CAMTA1: variants seen among roughly 807,000 people sequenced by gnomAD.
CAMTA1 encodes calmodulin binding transcription activator 1, also known as calmodulin-binding transcription activator 1.
In CAMTA1, 27 loss-of-function variants were observed where a neutral mutation model predicts 170.9. That is an observed-to-expected ratio of 0.16 (90% CI 0.12 to 0.22). The LOEUF (loss-of-function observed/expected upper bound fraction) is 0.22. Among genes scored for constraint, CAMTA1 ranks in the 10% least tolerant of loss-of-function variants. The probability of loss-of-function intolerance (pLI) is 1.00; values close to 1 mark genes in which losing one functional copy is unlikely to be tolerated. For missense variants in CAMTA1, 1,619 were observed against 2,217.2 expected (o/e 0.73, Z 5.42); for synonymous variants, 833 against 891.5 (o/e 0.93, Z 1.17).
intron 3 of CAMTA1, among the ~76,000 whole-genome samples, chr1:6,936,992 A>C (rs1051787563): frequency 2.6e-5 from 4 of 152,080 alleles, no homozygotes; most frequent in African/African-American, 7.2e-5. Flanking sequence ...TGTTTAAAAA[A>C]AAAGACAAAA....
chr1:7,529,466 C>A (rs189120562), intron 6 of CAMTA1, among the ~76,000 whole-genome samples: 1 of 152,164 alleles, frequency 6.6e-6, no homozygotes, highest in Admixed American at 6.5e-5. Context: ...CAGAACCCTT[C>A]GAGGTAGAAA....
At chr1:7,412,885 T>C (rs1392171011) in intron 5 of CAMTA1, among the ~76,000 whole-genome samples, 1 of 152,236 alleles carries the variant, frequency 6.6e-6, no homozygotes. Context: ...TTTTATGCTT[T>C]TAGGTCTAAC....
At chr1:7,437,170 G>A (rs1160199179) in intron 5 of CAMTA1, among the ~76,000 whole-genome samples, 6 of 152,144 alleles carry the variant, frequency 3.9e-5, no homozygotes, top group African/African-American at 9.7e-5. Context: ...CCTGGATGCC[G>A]GAGGCAGGTC....
intron 5 of CAMTA1, among the ~76,000 whole-genome samples, chr1:7,263,285 A>T (rs936783360): frequency 6.6e-6 from 1 of 152,236 alleles, no homozygotes; most frequent in Non-Finnish European, 1.5e-5. Flanking sequence ...TCTGTTTTTT[A>T]TACTTTCTTT....
intron 11 of CAMTA1, among the ~76,000 whole-genome samples, chr1:7,705,302 G>A (rs1250935218): frequency 4.0e-5 from 6 of 151,188 alleles, no homozygotes; most frequent in Admixed American, 3.9e-4. Flanking sequence ...CCGCGAGGGT[G>A]TGTCGACGCC....
chr1:6,866,839 C>T (rs1451769761), intron 3 of CAMTA1, among the ~76,000 whole-genome samples: 3 of 152,112 alleles, frequency 2.0e-5, no homozygotes, highest in Non-Finnish European at 4.4e-5. Flanking sequence ...AAATATGTAG[C>T]ATTTATGTGT....
At position 6,845,560 on chromosome 1, in the gene CAMTA1, A is replaced by G. The variant is rs181587801; in HGVS notation, c.234+20350A>G. Reference sequence around the variant, plus strand: ...TTTATGATTTGTGAATTATATCTCAATAAAGCTGTTATTTACTTAAACAAA... The same window carrying G: ...TTTATGATTTGTGAATTATATCTCAGTAAAGCTGTTATTTACTTAAACAAA... On this transcript the variant is annotated intron_variant, in intron 3 of 22. Coordinates refer to ENST00000303635, the MANE Select transcript of CAMTA1 (RefSeq NM_015215.4). Among the ~76,000 whole-genome samples, 188 of 152,372 alleles carry G rather than the reference A, an allele frequency of 1.2e-3. 1 individual carries two copies. Among genetic ancestry groups the G allele is most frequent in the East Asian group, 5.6e-3 (29 of 5,190 alleles).
intron 5 of CAMTA1, among the ~76,000 whole-genome samples, chr1:7,339,278 G>A (rs1028436979): frequency 7.9e-5 from 12 of 152,234 alleles, no homozygotes; most frequent in Non-Finnish European, 1.8e-4. Flanking sequence ...GAATTGTACG[G>A]AATGTGAACT....
intron 6 of CAMTA1, among the ~76,000 whole-genome samples, chr1:7,501,454 G>C (rs1032031989): frequency 6.6e-6 from 1 of 152,156 alleles, no homozygotes; most frequent in African/African-American, 2.4e-5. Flanking sequence ...TCTCATTAGG[G>C]ATGGCCTTGG....
chr1:7,301,332 T>A (rs1227859609), intron 5 of CAMTA1, among the ~76,000 whole-genome samples: 1 of 152,258 alleles, frequency 6.6e-6, no homozygotes, highest in Non-Finnish European at 1.5e-5. Context: ...TTTGACTTTT[T>A]CAGGGTGATA....
In CAMTA1 at chr1:7,463,542, CAG is replaced by C. The variant is rs993684962; in HGVS notation, c.439-4280_439-4279del. On this transcript the variant is annotated intron_variant, in intron 5 of 22. Transcript: ENST00000303635. The surrounding 1 kb of genome is among the most constrained non-coding windows in gnomAD (Gnocchi z 4.7). ...AAAGAGATTGAGAGACAGGGAGAGA[CAG>C]AGAGAGAAAGAAGATGAGACAGATA... Among the ~76,000 whole-genome samples the C allele has an allele frequency of 1.3e-5, 2 of 151,238 alleles. No homozygotes were observed. Among genetic ancestry groups the C allele is most frequent in the African/African-American group, 4.9e-5 (2 of 41,056 alleles).
intron 5 of CAMTA1, among the ~76,000 whole-genome samples, chr1:7,343,209 T>A (rs1317517472): frequency 6.6e-6 from 1 of 152,144 alleles, no homozygotes; most frequent in Non-Finnish European, 1.5e-5. Flanking sequence ...AATGGTGAAA[T>A]AAAACACAGG....
chr1:7,329,761 G>A (rs566359892), intron 5 of CAMTA1, among the ~76,000 whole-genome samples: 1 of 152,232 alleles, frequency 6.6e-6, no homozygotes, highest in Admixed American at 6.5e-5. Flanking sequence ...TTGCTACTGA[G>A]GTTCTATAAT....
intron 5 of CAMTA1, among the ~76,000 whole-genome samples, chr1:7,273,103 AGTGTTCACAC>A (rs1342572313): frequency 6.6e-6 from 1 of 152,230 alleles, no homozygotes; most frequent in Admixed American, 6.5e-5. Flanking sequence ...GATAATAGTA[AGTGTTCACAC>A]ACGTGGAGAA....
intron 5 of CAMTA1, among the ~76,000 whole-genome samples, chr1:7,363,225 C>T (rs1281410800): frequency 6.6e-6 from 1 of 152,188 alleles, no homozygotes; most frequent in African/African-American, 2.4e-5. Flanking sequence ...TTTCTTGCAT[C>T]CATTTCACTG....
Position 6,973,087 on chromosome 1 carries a change from GGTGAT to G in CAMTA1, c.235-118216_235-118212del, listed in dbSNP as rs369787806. 1.0e-2 allele frequency among the ~76,000 whole-genome samples: 1,515 copies of G among 152,182 alleles called. 21 individuals carry two copies. Among genetic ancestry groups the G allele is most frequent in the African/African-American group, 0.034 (1,417 of 41,502 alleles). ...GGCTGGTCTTGAACTCCTGACCTCAGGTGATCCATCCACCTCGGCCTCCCAAAGTG... is the reference window on the plus strand; with the variant it reads ...GGCTGGTCTTGAACTCCTGACCTCAGCCATCCACCTCGGCCTCCCAAAGTG... On this transcript the variant is annotated intron_variant, in intron 3 of 22. Transcript: ENST00000303635.
chr1:7,698,592 C>G (rs1422034977), intron 11 of CAMTA1: 7 of 152,316 alleles, frequency 4.6e-5, no homozygotes, highest in African/African-American at 1.7e-4. Context: ...CTCAGGGGCC[C>G]TGACAGGTGC....
chr1:7,098,227 C>T (rs4908439), intron 4 of CAMTA1, among the ~76,000 whole-genome samples: 134,078 of 152,270 alleles, frequency 0.88, 59,386 homozygotes, highest in African/African-American at 0.97. Context: ...TAGGACTCTG[C>T]ACTTTGGAAC....
intron 11 of CAMTA1, among the ~76,000 whole-genome samples, chr1:7,727,796 G>T (rs926413722): frequency 6.6e-6 from 1 of 152,234 alleles, no homozygotes; most frequent in African/African-American, 2.4e-5. Context: ...TGGCTTGCTA[G>T]TGTGGAGATG....
Sources: allele counts gnomAD v4.1 joint callset (sites outside exome capture counted in the v4.1 genomes callset), GRCh38; gene constraint gnomAD v4.1.1; non-coding constraint Gnocchi (gnomAD v3.1); transcripts MANE v1.5; gene names NCBI Gene and HGNC (gene_info 2026-07-23, HGNC 2026-07-21).